The following MTG1 variants were observed in gnomAD, a reference collection of about 807,000 sequenced individuals.
MTG1 encodes mitochondrial ribosome-associated GTPase 1.
A neutral mutation model predicts 39.5 loss-of-function variants in MTG1; 30 were observed. That is an observed-to-expected ratio of 0.76 (90% CI 0.57 to 1.03). MTG1 has a LOEUF of 1.03. Among genes scored for constraint, MTG1 ranks in the 50% least tolerant of loss-of-function variants. MTG1 has a pLI of 0.00. For synonymous variants in MTG1, 217 were observed against 179.0 expected, an observed-to-expected ratio of 1.21 and a Z score of -1.69; for missense variants, 513 against 447.4, an observed-to-expected ratio of 1.15 and a Z score of -1.32.
intron 7 of MTG1, 151 bp from the exon 8 acceptor site, chr10:133,401,998 G>C: frequency 2.5e-6 from 2 of 791,330 alleles, no homozygotes; most frequent in Non-Finnish European, 4.1e-6. Context: ...GGGGAACCCT[G>C]GAGCTTGGTG....
At position 133,419,281 on chromosome 10, in the gene MTG1, TTAGA is replaced by T. The variant is rs753697851; in HGVS notation, c.753-195_753-192del. ...ACAGGACGAAGCTCAGGGATGATTC[TTAGA>T]TAGTGGCTCTCCCCCGGGGCCCAGC... is the stretch of plus-strand genomic sequence containing the variant. On this transcript the variant is annotated intron_variant, in intron 9 of 10. Coordinates refer to ENST00000317502, the MANE Select transcript of MTG1 (RefSeq NM_138384.4). Among the ~76,000 whole-genome samples the T allele has an allele frequency of 1.1e-4, 17 of 152,284 alleles. No individual in the cohort carries two copies. In the South Asian group the frequency reaches 3.1e-3, roughly 28 times the overall value.
At chr10:133,411,500 A>C (rs1352974691) in intron 9 of MTG1, among the ~76,000 whole-genome samples, 1 of 151,562 alleles carries the variant, frequency 6.6e-6, no homozygotes, top group Admixed American at 6.6e-5. Context: ...GGGTTTGAAA[A>C]TTTTTCTGTA....
At chr10:133,418,007 T>C (rs1390399523) in intron 9 of MTG1, among the ~76,000 whole-genome samples, 4 of 152,186 alleles carry the variant, frequency 2.6e-5, no homozygotes, top group Admixed American at 6.5e-5. Flanking sequence ...CTTTCTTTTT[T>C]TCTTTTTTTT....
chr10:133,414,459 G>A (rs1419499299), intron 9 of MTG1, among the ~76,000 whole-genome samples: 1 of 152,250 alleles, frequency 6.6e-6, no homozygotes, highest in South Asian at 2.1e-4. Flanking sequence ...TGGTGGCCGG[G>A]CAGAGGGGCT....
intron 6 of MTG1, among the ~76,000 whole-genome samples, chr10:133,400,710 A>G (rs754213213): frequency 6.6e-6 from 1 of 152,132 alleles, no homozygotes; most frequent in African/African-American, 2.4e-5. Flanking sequence ...ACTATTTTCA[A>G]ATATTTTGGT....
chr10:133,405,945 C>T (rs1264938783), intron 9 of MTG1, among the ~76,000 whole-genome samples: 3 of 152,196 alleles, frequency 2.0e-5, no homozygotes, highest in East Asian at 1.9e-4. Context: ...AACTTACATT[C>T]CCACCAACAG....
Position 133,396,049 on chromosome 10 carries a change from C to G in MTG1, c.178-114C>G, listed in dbSNP as rs556372614. On this transcript the variant is annotated intron_variant, in intron 2 of 10. Transcript: ENST00000317502. ...AATGTTCCTGCCAACTGGGGCTTTT[C>G]TCCTGTACTTGAGGAATGAATTGGC... 1.3e-5 allele frequency: 13 copies of G among 1,012,414 alleles called. No homozygotes were observed. The South Asian group carries it at 1.4e-4, about 11-fold the overall frequency. 62.7% of individuals were successfully genotyped at this position (1,012,414 alleles called of 1,614,324 possible).
chr10:133,409,729 G>C (rs999442554), intron 9 of MTG1, among the ~76,000 whole-genome samples: 2 of 152,150 alleles, frequency 1.3e-5, no homozygotes, highest in African/African-American at 4.8e-5. Flanking sequence ...ATTTATAATT[G>C]TTATATCTGC....
rs1175941059 is a variant in MTG1, at chr10:133,422,480, C to T, written c.*2315C>T. 2 of 152,308 alleles carry T rather than the reference C, an allele frequency of 1.3e-5. No homozygotes were observed. The allele number at this position is 152,308 out of a possible 1,614,324, so 9.4% of individuals were successfully genotyped here. A position where few individuals can be genotyped will look rare whatever the true frequency, so the allele number is the denominator to read the frequency against. ...CTCTGGAATGTGTTGGTTTTTCCCC[C>T]CCAAAATGGGTCCTAAGGAGGGTAA... is the stretch of plus-strand genomic sequence containing the variant. On this transcript the variant is annotated 3_prime_UTR_variant, in exon 11 of 11. Coordinates refer to ENST00000317502, the MANE Select transcript of MTG1 (RefSeq NM_138384.4).
intron 9 of MTG1, among the ~76,000 whole-genome samples, chr10:133,410,490 G>C (rs144335624): frequency 6.6e-6 from 1 of 151,952 alleles, no homozygotes. Context: ...GTCTTCCTTC[G>C]CATGTGGTTA....
intron 9 of MTG1, among the ~76,000 whole-genome samples, chr10:133,417,159 A>G (rs963047060): frequency 6.6e-6 from 1 of 152,154 alleles, no homozygotes; most frequent in Non-Finnish European, 1.5e-5. Context: ...GGCCAGCAGC[A>G]CATCAAAAAG....
In MTG1 at chr10:133,421,875, T is replaced by TG. The variant is rs1422832640; in HGVS notation, c.*1712dup. On this transcript the variant is annotated 3_prime_UTR_variant, in exon 11 of 11. Transcript: ENST00000317502. ...TGAGGGCGAGGCTGTCCCCAGGACA[T>TG]GGAGAGGGTGAGATCCCAAGGCCAC... The TG allele has an allele frequency of 7.5e-6, 1 of 134,178 alleles. No homozygotes were observed. The highest frequency in any genetic ancestry group is 2.8e-5 in the African/African-American group (1 of 35,734). 8.3% of individuals were successfully genotyped at this position (134,178 alleles called of 1,614,324 possible). A position where few individuals can be genotyped will look rare whatever the true frequency, so the allele number is the denominator to read the frequency against.
intron 3 of MTG1, among the ~76,000 whole-genome samples, chr10:133,396,925 G>T (rs554422175): frequency 6.6e-6 from 1 of 152,180 alleles, no homozygotes; most frequent in African/African-American, 2.4e-5. Flanking sequence ...TAGCGGTAGC[G>T]TCAGTGTCAA....
At chr10:133,416,150 C>T (rs1410096238) in intron 9 of MTG1, among the ~76,000 whole-genome samples, 1 of 152,020 alleles carries the variant, frequency 6.6e-6, no homozygotes, top group Non-Finnish European at 1.5e-5. Context: ...CTCATCTTTT[C>T]TTCTGCAATG....
intron 9 of MTG1, among the ~76,000 whole-genome samples, chr10:133,415,362 A>G (rs1231120709): frequency 1.3e-5 from 2 of 152,116 alleles, no homozygotes; most frequent in African/African-American, 4.8e-5. Context: ...CTAGTGATGA[A>G]TTCTTTCAGC....
intron 9 of MTG1, among the ~76,000 whole-genome samples, chr10:133,416,869 T>C (rs1349693048): frequency 6.6e-6 from 1 of 151,842 alleles, no homozygotes; most frequent in African/African-American, 2.4e-5. Flanking sequence ...AACACATGTG[T>C]GCATGTGTCT....
chr10:133,395,124 G>A (rs1034373956), intron 1 of MTG1, among the ~76,000 whole-genome samples: 1 of 152,170 alleles, frequency 6.6e-6, no homozygotes, highest in Non-Finnish European at 1.5e-5. Flanking sequence ...GGCCCGGCCC[G>A]GTGGCTCACG....
intron 9 of MTG1, among the ~76,000 whole-genome samples, chr10:133,419,155 A>G (rs770527800): frequency 6.6e-6 from 1 of 152,226 alleles, no homozygotes; most frequent in Non-Finnish European, 1.5e-5. Flanking sequence ...TACCCCGGAT[A>G]GAGTGGATGA....
intron 6 of MTG1, among the ~76,000 whole-genome samples, chr10:133,400,857 A>T (rs1052913624): frequency 1.3e-5 from 2 of 152,128 alleles, no homozygotes; most frequent in Non-Finnish European, 2.9e-5. Flanking sequence ...GCCTTTTGTG[A>T]CTGGCTGATG....
Sources: allele counts gnomAD v4.1 joint callset (sites outside exome capture counted in the v4.1 genomes callset), GRCh38; gene constraint gnomAD v4.1.1; transcripts MANE v1.5; gene names NCBI Gene and HGNC (gene_info 2026-07-23, HGNC 2026-07-21).